The following SPIRE1 variants were observed in gnomAD, a reference collection of about 807,000 sequenced individuals.
SPIRE1 encodes the protein protein spire homolog 1.
SPIRE1 carries 40 observed loss-of-function variants against 94.1 expected under a neutral mutation model. The observed-to-expected ratio is 0.43, with a 90% CI of 0.33 to 0.55. The LOEUF (loss-of-function observed/expected upper bound fraction) is 0.55, where lower values mean the gene tolerates loss of function less well. Among genes scored for constraint, SPIRE1 ranks in the 20% least tolerant of loss-of-function variants. The pLI is 0.06. For missense variants in SPIRE1, 838 were observed against 975.2 expected (o/e 0.86, Z 1.87); for synonymous variants, 376 against 371.7 (o/e 1.01, Z -0.13).
At chr18:12,558,047 T>C (rs1174457240) in intron 2 of SPIRE1, among the ~76,000 whole-genome samples, 3 of 152,188 alleles carry the variant, frequency 2.0e-5, no homozygotes, top group Admixed American at 2.0e-4. Flanking sequence ...AAGACTTAAA[T>C]GTAAGACCTC....
chr18:12,626,887 T>TATATATATATATATATA (rs1555634099), intron 2 of SPIRE1, among the ~76,000 whole-genome samples: 4 of 53,518 alleles, frequency 7.5e-5, no homozygotes, highest in Admixed American at 2.1e-4. Flanking sequence ...TATATATATA[T>TATATATATATATATATA]TTTTTTTTTT....
intron 8 of SPIRE1, among the ~76,000 whole-genome samples, chr18:12,487,915 A>C (rs2143824802): frequency 6.6e-6 from 1 of 152,250 alleles, no homozygotes; most frequent in South Asian, 2.1e-4. Flanking sequence ...TGCAGTCCAA[A>C]GCTCTTACCA....
intron 2 of SPIRE1, among the ~76,000 whole-genome samples, chr18:12,633,064 T>C (rs1406932122): frequency 6.6e-6 from 1 of 152,166 alleles, no homozygotes; most frequent in African/African-American, 2.4e-5. Flanking sequence ...CAAATTACCA[T>C]TAACATTTTA....
In SPIRE1 at chr18:12,657,544, G is replaced by A; in HGVS notation, c.323C>T (p.Pro108Leu). 8.1e-7 allele frequency: 1 copy of A among 1,233,676 alleles called. No individual in the cohort carries two copies. The highest frequency in any genetic ancestry group is 1.0e-6 in the Non-Finnish European group (1 of 988,666). The allele number at this position is 1,233,676 out of a possible 1,614,324, so 76.4% of individuals were successfully genotyped here. Residue 108 changes from proline to leucine, a missense_variant, in exon 1 of 17, where the codon CCG (proline) becomes CTG (leucine). Coordinates refer to ENST00000409402, the MANE Select transcript of SPIRE1 (RefSeq NM_001128626.2). Reference protein sequence around the residue: ...LAPAADDAGEPPPVAGKLGYS... With the variant: ...LAPAADDAGELPPVAGKLGYS... ...GGCGGCCTCACCCGCAACTGGGGGC[G>A]GCTCTCCCGCGTCGTCGGCCGCGGG...
Position 12,657,940 on chromosome 18 carries a change from C to G in SPIRE1, c.-74G>C, listed in dbSNP as rs1166030711. 3.5e-5 allele frequency: 35 copies of G among 1,010,432 alleles called. 1 individual carries two copies. The East Asian group carries it at 3.4e-3, about 97-fold the overall frequency. 62.6% of individuals were successfully genotyped at this position (1,010,432 alleles called of 1,614,324 possible). On this transcript the variant is annotated 5_prime_UTR_variant, in exon 1 of 17. Transcript: ENST00000409402. ...CCTCAGCTCCGGAGCATCGTCGTCG[C>G]GCGCCGCCGCCTCACCATCCCCGGA...
chr18:12,507,410 T>TA (rs1475649225), intron 5 of SPIRE1, among the ~76,000 whole-genome samples: 1 of 152,020 alleles, frequency 6.6e-6, no homozygotes, highest in African/African-American at 2.4e-5. Flanking sequence ...TAGAAAATAC[T>TA]AAAAAAGGCT....
chr18:12,594,919 T>A (rs2036629646), intron 2 of SPIRE1, among the ~76,000 whole-genome samples: 1 of 152,222 alleles, frequency 6.6e-6, no homozygotes, highest in Non-Finnish European at 1.5e-5. Flanking sequence ...AATCTCCACT[T>A]AATGAATAGT....
intron 4 of SPIRE1, 127 bp downstream of exon 4, chr18:12,535,349 A>C (rs1231226478): frequency 1.0e-6 from 1 of 1,001,698 alleles, no homozygotes. Flanking sequence ...CACTCATCTA[A>C]AGGATAGTAA....
intron 2 of SPIRE1, among the ~76,000 whole-genome samples, chr18:12,619,425 G>GT (rs1480944102): frequency 6.6e-6 from 1 of 151,536 alleles, no homozygotes; most frequent in African/African-American, 2.4e-5. Flanking sequence ...GGAGAATGGC[G>GT]TGAACCTGGG....
At chr18:12,450,180 C>T (rs1222471904) in intron 16 of SPIRE1, among the ~76,000 whole-genome samples, 3 of 149,558 alleles carry the variant, frequency 2.0e-5, no homozygotes, top group Admixed American at 2.0e-4. Flanking sequence ...TTTGGCGAAA[C>T]CCAGTCTCTA....
intron 2 of SPIRE1, among the ~76,000 whole-genome samples, chr18:12,603,026 G>C (rs1333750413): frequency 2.6e-5 from 4 of 152,152 alleles, no homozygotes; most frequent in Non-Finnish European, 4.4e-5. Context: ...TAGTGAAAAT[G>C]CATCTAATAC....
rs371101726 is a variant in SPIRE1 at position 12,630,476 on chromosome 18, C to T, written c.372+4586G>A. ...GAGTTCGAGACCAGCCTCGCCAACA[C>T]GGCAAAACTCCATCTCTACTAAAAA... On this transcript the variant is annotated intron_variant, in intron 2 of 16. Transcript: ENST00000409402. Among the ~76,000 whole-genome samples, 26 of 152,226 alleles carry T rather than the reference C, an allele frequency of 1.7e-4. No homozygotes were observed. In the East Asian group the frequency reaches 3.9e-3, roughly 23 times the overall value.
At position 12,506,531 on chromosome 18, in the gene SPIRE1, A is replaced by G. The variant is rs769571689; in HGVS notation, c.918T>C (p.Tyr306=). The G allele has an allele frequency of 5.0e-6, 8 of 1,612,264 alleles. No homozygotes were observed. The highest frequency in any genetic ancestry group is 1.6e-4 in the Middle Eastern group (1 of 6,080). ...PLPIEYQLTP[Y]EMLMDDIRCK... ...AGCGAATGTCATCCATTAACATCTC[A>G]TAAGGGGTGAGCTGATATTCAATGG... Residue 306 remains tyrosine, a synonymous_variant, in exon 6 of 17, where the codon TAT becomes TAC. Coordinates refer to ENST00000409402, the MANE Select transcript of SPIRE1 (RefSeq NM_001128626.2).
chr18:12,507,004 A>G (rs1273878116), intron 5 of SPIRE1, among the ~76,000 whole-genome samples: 1 of 152,186 alleles, frequency 6.6e-6, no homozygotes, highest in Non-Finnish European at 1.5e-5. Flanking sequence ...TTGCTTGGCC[A>G]CTGGAATAGT....
rs937533130 is a variant in SPIRE1, at chr18:12,619,159, G to C, written c.372+15903C>G. 2.3e-4 allele frequency among the ~76,000 whole-genome samples: 35 copies of C among 152,220 alleles called. 1 individual carries two copies. Among genetic ancestry groups the C allele is most frequent in the South Asian group, 2.1e-3 (10 of 4,820 alleles). ...GATCCGCCCGCCACGGCCTCCCAAA[G>C]TACTGGGATTATAGACGTGGGCCAC... On this transcript the variant is annotated intron_variant, in intron 2 of 16. Coordinates refer to ENST00000409402, the MANE Select transcript of SPIRE1 (RefSeq NM_001128626.2).
At chr18:12,553,276 G>C (rs1401310507) in intron 2 of SPIRE1, among the ~76,000 whole-genome samples, 1 of 152,202 alleles carries the variant, frequency 6.6e-6, no homozygotes, top group African/African-American at 2.4e-5. Context: ...TAGGCTCTTG[G>C]GGCTCCCAGT....
At chr18:12,607,585 C>T (rs2037014646) in intron 2 of SPIRE1, among the ~76,000 whole-genome samples, 1 of 134,944 alleles carries the variant, frequency 7.4e-6, no homozygotes, top group African/African-American at 2.8e-5. Context: ...GGGTTTTCTA[C>T]TCCACAGCAC....
intron 2 of SPIRE1, among the ~76,000 whole-genome samples, chr18:12,577,241 AG>A (rs35236012): frequency 0.23 from 34,840 of 151,994 alleles, 4,858 homozygotes; most frequent in Non-Finnish European, 0.32. Flanking sequence ...TCCGCCTCCC[AG>A]GGTTACACCA....
intron 2 of SPIRE1, among the ~76,000 whole-genome samples, chr18:12,609,209 C>A (rs2037070576): frequency 6.6e-6 from 1 of 152,152 alleles, no homozygotes; most frequent in Non-Finnish European, 1.5e-5. Context: ...GGTCTGTGGC[C>A]CGGGGATTGC....
Sources: allele counts gnomAD v4.1 joint callset (sites outside exome capture counted in the v4.1 genomes callset), GRCh38; gene constraint gnomAD v4.1.1; transcripts MANE v1.5; gene names NCBI Gene and HGNC (gene_info 2026-07-23, HGNC 2026-07-21).